Variants in CNTNAP2 observed in about 807,000 individuals in gnomAD.
CNTNAP2 encodes contactin-associated protein-like 2.
A neutral mutation model predicts 155.2 loss-of-function variants in CNTNAP2; 98 were observed. The observed-to-expected ratio is 0.63, with a 90% CI of 0.54 to 0.75. The LOEUF (loss-of-function observed/expected upper bound fraction) is 0.75, where lower values mean the gene tolerates loss of function less well. CNTNAP2 is among the 30% of genes least tolerant of loss of function. The pLI, the probability that CNTNAP2 is intolerant of heterozygous loss-of-function variation, is 0.00. For missense variants in CNTNAP2, 1,727 were observed against 1,688.1 expected, an observed-to-expected ratio of 1.02 and a Z score of -0.40; for synonymous variants, 651 against 631.2, an observed-to-expected ratio of 1.03 and a Z score of -0.47.
intron 1 of CNTNAP2, among the ~76,000 whole-genome samples, chr7:146,706,761 T>G (rs1234925737): frequency 6.6e-6 from 1 of 152,072 alleles, no homozygotes; most frequent in Non-Finnish European, 1.5e-5. Context: ...TACTGGGTCC[T>G]TTCAGAGAGT....
intron 16 of CNTNAP2, among the ~76,000 whole-genome samples, chr7:148,129,144 C>A (rs1384067544): frequency 6.6e-6 from 1 of 152,184 alleles, no homozygotes; most frequent in Non-Finnish European, 1.5e-5. Flanking sequence ...TGGAAACCAG[C>A]TGAAGTCCAG....
chr7:148,363,494 T>C (rs898522305), intron 21 of CNTNAP2, among the ~76,000 whole-genome samples: 2 of 152,252 alleles, frequency 1.3e-5, no homozygotes, highest in Non-Finnish European at 2.9e-5. Flanking sequence ...GGACTGCTTT[T>C]GCAGGGTGAG....
At chr7:146,998,835 AG>A (rs1408271315) in intron 3 of CNTNAP2, among the ~76,000 whole-genome samples, 1 of 151,956 alleles carries the variant, frequency 6.6e-6, no homozygotes, top group East Asian at 1.9e-4. Context: ...AACTATACCT[AG>A]CCTTGCACTT....
intron 13 of CNTNAP2, among the ~76,000 whole-genome samples, chr7:147,711,853 T>C (rs1399229939): frequency 1.3e-5 from 2 of 152,192 alleles, no homozygotes; most frequent in Non-Finnish European, 2.9e-5. Context: ...TCTTTCCCTG[T>C]ATGCTGGGGA....
chr7:148,162,186 G>T (rs1173637921), intron 17 of CNTNAP2, among the ~76,000 whole-genome samples: 1 of 152,170 alleles, frequency 6.6e-6, no homozygotes, highest in African/African-American at 2.4e-5. Context: ...GATACATGAA[G>T]ATCAGCAGAA....
chr7:147,967,649 T>C (rs924998020), intron 14 of CNTNAP2, among the ~76,000 whole-genome samples: 3 of 151,984 alleles, frequency 2.0e-5, no homozygotes, highest in African/African-American at 7.3e-5. Flanking sequence ...CTCCCAGAAA[T>C]TTACTGTTCT....
In CNTNAP2 at chr7:146,369,654, T is replaced by TA. The variant is rs146731331; in HGVS notation, c.97+252682dup. ...ATTATTATTTACCTTCACATATGTA[T>TA]AGTGGAACACTGAGCATATGTTTAA... On this transcript the variant is annotated intron_variant, in intron 1 of 23. Transcript: ENST00000361727. Among the ~76,000 whole-genome samples, 941 of 152,344 alleles carry TA rather than the reference T, an allele frequency of 6.2e-3. 10 individuals carry two copies. The highest frequency in any genetic ancestry group is 0.021 in the African/African-American group (894 of 41,592).
chr7:147,148,162 G>T (rs572452081), intron 8 of CNTNAP2, among the ~76,000 whole-genome samples: 1 of 151,804 alleles, frequency 6.6e-6, no homozygotes, highest in South Asian at 2.1e-4. Flanking sequence ...AGGCCGAGGC[G>T]GGCGGATCAT....
intron 1 of CNTNAP2, among the ~76,000 whole-genome samples, chr7:146,653,836 CAG>C (rs1460081757): frequency 6.6e-6 from 1 of 151,974 alleles, no homozygotes; most frequent in East Asian, 1.9e-4. Context: ...GGGAAAGAAA[CAG>C]AAGAAGAGAA....
chr7:147,902,571 A>T (rs1023537183), intron 13 of CNTNAP2, among the ~76,000 whole-genome samples: 3 of 148,554 alleles, frequency 2.0e-5, no homozygotes, highest in Non-Finnish European at 4.4e-5. Flanking sequence ...CCACCCTTTC[A>T]CCCTGAGTCC....
chr7:147,526,052 T>G (rs1799312290), intron 11 of CNTNAP2, among the ~76,000 whole-genome samples: 1 of 151,172 alleles, frequency 6.6e-6, no homozygotes, highest in South Asian at 2.1e-4. Flanking sequence ...ATTAGCCAGG[T>G]GTGGTGGTGT....
intron 8 of CNTNAP2, among the ~76,000 whole-genome samples, chr7:147,174,874 A>G (rs973053707): frequency 6.6e-6 from 1 of 152,162 alleles, no homozygotes; most frequent in Non-Finnish European, 1.5e-5. Flanking sequence ...GGTAAAATAT[A>G]TAATTTTTTC....
At chr7:146,995,043 A>T (rs1011271165) in intron 3 of CNTNAP2, among the ~76,000 whole-genome samples, 2 of 151,934 alleles carry the variant, frequency 1.3e-5, no homozygotes, top group East Asian at 3.9e-4. Context: ...TACTTCTATG[A>T]GATCATTTGT....
chr7:147,722,497 C>T (rs551514524), intron 13 of CNTNAP2, among the ~76,000 whole-genome samples: 2 of 152,196 alleles, frequency 1.3e-5, no homozygotes, highest in South Asian at 4.1e-4. Flanking sequence ...CGGCAGTTTG[C>T]ACAGCCCTTC....
At chr7:146,645,919 C>T (rs1208037630) in intron 1 of CNTNAP2, among the ~76,000 whole-genome samples, 1 of 152,040 alleles carries the variant, frequency 6.6e-6, no homozygotes, top group Non-Finnish European at 1.5e-5. Flanking sequence ...TTTCTTTTTT[C>T]CTGTGAGCTC....
intron 1 of CNTNAP2, among the ~76,000 whole-genome samples, chr7:146,519,870 C>A (rs1306529919): frequency 6.6e-6 from 1 of 151,742 alleles, no homozygotes; most frequent in African/African-American, 2.4e-5. Flanking sequence ...CAGTACATGT[C>A]TTCATTAATA....
chr7:148,092,539 C>A (rs921925871), intron 15 of CNTNAP2, among the ~76,000 whole-genome samples: 1 of 152,158 alleles, frequency 6.6e-6, no homozygotes, highest in African/African-American at 2.4e-5. Context: ...TGAACCAGCA[C>A]CTCCTGCCCT....
rs147043019 is a variant in CNTNAP2, at chr7:146,321,171, G to T, written c.97+204198G>T. Among the ~76,000 whole-genome samples, 31 of 151,948 alleles carry T rather than the reference G, an allele frequency of 2.0e-4. No homozygotes were observed. The East Asian group carries it at 5.6e-3, about 28-fold the overall frequency. ...TTAGGAAAACAGTGGGGTAAAATAG[G>T]GTAGCCGAAATGAAACCAAAGATTA... On this transcript the variant is annotated intron_variant, in intron 1 of 23. Coordinates refer to ENST00000361727, the MANE Select transcript of CNTNAP2 (RefSeq NM_014141.6).
At chr7:146,315,960 C>A (rs1800898378) in intron 1 of CNTNAP2, among the ~76,000 whole-genome samples, 1 of 152,104 alleles carries the variant, frequency 6.6e-6, no homozygotes, top group African/African-American at 2.4e-5. Context: ...TATAAAAAGT[C>A]TCTAAATTAA....
Sources: gnomAD v4.1 joint callset for allele counts (sites outside exome capture counted in the v4.1 genomes callset) on GRCh38, gnomAD v4.1.1 for gene constraint, MANE v1.5 for transcripts, NCBI Gene and HGNC (gene_info 2026-07-23, HGNC 2026-07-21) for gene names.